HNF4G: variants seen among roughly 807,000 people sequenced by gnomAD.
HNF4G encodes the protein hepatocyte nuclear factor 4-gamma.
HNF4G carries 21 observed loss-of-function variants against 50.9 expected under a neutral mutation model. That is an observed-to-expected ratio of 0.41 (90% CI 0.29 to 0.59). The LOEUF (loss-of-function observed/expected upper bound fraction) is 0.59, where lower values mean the gene tolerates loss of function less well. Ranked by LOEUF, HNF4G falls within the 20% of genes least tolerant of loss-of-function variation. The pLI, the probability that HNF4G is intolerant of heterozygous loss-of-function variation, is 0.26. For synonymous variants in HNF4G, 198 were observed against 185.6 expected (o/e 1.07, Z -0.54); for missense variants, 527 against 559.4 (o/e 0.94, Z 0.58).
At chr8:75,547,373 A>G (rs1457196834) in intron 2 of HNF4G, among the ~76,000 whole-genome samples, 1 of 152,244 alleles carries the variant, frequency 6.6e-6, no homozygotes, top group African/African-American at 2.4e-5. Context: ...ATAGTCATTC[A>G]GTTTTATTTT....
chr8:75,483,966 T>C (rs2130664339), intron 1 of HNF4G, among the ~76,000 whole-genome samples: 1 of 152,270 alleles, frequency 6.6e-6, no homozygotes, highest in Middle Eastern at 3.4e-3. Context: ...ACTTCATGAA[T>C]TATCACAACT....
intron 5 of HNF4G, among the ~76,000 whole-genome samples, chr8:75,554,897 AG>A (rs929385320): frequency 6.6e-6 from 1 of 152,198 alleles, no homozygotes; most frequent in Admixed American, 6.6e-5. Context: ...CTGAAAGACA[AG>A]GGGCCAAGCC....
intron 1 of HNF4G, among the ~76,000 whole-genome samples, chr8:75,475,943 TA>T (rs929462292): frequency 2.7e-4 from 41 of 152,244 alleles, no homozygotes; most frequent in African/African-American, 9.1e-4. Context: ...AATTTATTTT[TA>T]AAATTTTTTT....
intron 8 of HNF4G, among the ~76,000 whole-genome samples, chr8:75,559,906 C>A (rs1403418893): frequency 6.6e-6 from 1 of 152,078 alleles, no homozygotes; most frequent in East Asian, 1.9e-4. Flanking sequence ...TTTTGCATTC[C>A]AATCTAGATT....
chr8:75,422,737 C>CA (rs1810802120), intron 1 of HNF4G, among the ~76,000 whole-genome samples: 1 of 151,952 alleles, frequency 6.6e-6, no homozygotes, highest in Non-Finnish European at 1.5e-5. Context: ...AGGTTCACGC[C>CA]ATTCTCCTGA....
chr8:75,512,220 A>C (rs904345063), intron 2 of HNF4G, among the ~76,000 whole-genome samples: 18 of 151,750 alleles, frequency 1.2e-4, no homozygotes, highest in African/African-American at 4.3e-4. Flanking sequence ...CTCTGGTAAA[A>C]TATTTAAGAA....
At chr8:75,494,895 CTT>C (rs1812728903) in intron 2 of HNF4G, among the ~76,000 whole-genome samples, 1 of 152,006 alleles carries the variant, frequency 6.6e-6, no homozygotes, top group Admixed American at 6.6e-5. Context: ...TTTAAATTGA[CTT>C]TGAATTATGA....
chr8:75,507,538 C>T (rs754418565), intron 2 of HNF4G, among the ~76,000 whole-genome samples: 4 of 152,172 alleles, frequency 2.6e-5, no homozygotes, highest in East Asian at 1.9e-4. Flanking sequence ...GGATTACAGG[C>T]GTGAGCCACT....
chr8:75,452,490 C>CG (rs1811608601), intron 1 of HNF4G, among the ~76,000 whole-genome samples: 2 of 151,962 alleles, frequency 1.3e-5, no homozygotes, highest in Admixed American at 6.6e-5. Flanking sequence ...GAGCCCGAAG[C>CG]GGGGGGATCA....
chr8:75,465,198 A>G (rs912356674), intron 1 of HNF4G, among the ~76,000 whole-genome samples: 3 of 152,206 alleles, frequency 2.0e-5, no homozygotes, highest in Non-Finnish European at 4.4e-5. Flanking sequence ...GTAGCCTCAT[A>G]TAGACTCTAT....
chr8:75,543,711 G>A (rs1806692506), intron 1 of HNF4G, 100 bp from the exon 2 acceptor site: 1 of 975,236 alleles, frequency 1.0e-6, no homozygotes, highest in Non-Finnish European at 1.5e-6. Context: ...TCTCCAAGAA[G>A]CCAATGAATG....
intron 2 of HNF4G, among the ~76,000 whole-genome samples, chr8:75,505,337 A>G (rs1813047750): frequency 1.3e-5 from 2 of 152,082 alleles, no homozygotes; most frequent in Middle Eastern, 3.2e-3. Context: ...TTCTTTCCTG[A>G]TTCATTTGTA....
chr8:75,501,579 G>A (rs544050622), intron 2 of HNF4G, among the ~76,000 whole-genome samples: 3 of 152,208 alleles, frequency 2.0e-5, no homozygotes, highest in Admixed American at 1.3e-4. Flanking sequence ...AAGAGATTTT[G>A]TTCAGTAATA....
In HNF4G at chr8:75,466,621, CTT is replaced by C. The variant is rs1363133249; in HGVS notation, c.-143-23467_-143-23466del. 1.9e-4 allele frequency among the ~76,000 whole-genome samples: 19 copies of C among 98,012 alleles called. 2 individuals carry two copies. The South Asian group carries it at 6.6e-3, about 34-fold the overall frequency. The allele number at this position is 98,012 out of a possible 152,430, so 64.3% of individuals were successfully genotyped here. ...CCTTCCTTCCTTCCTTCCTTCCTTC[CTT>C]CCTTCCTTCCTTCTCCCTTCCCTTC... On this transcript the variant is annotated intron_variant, in intron 1 of 10. Coordinates refer to the HNF4G transcript ENST00000354370.
chr8:75,478,880 C>T (rs573594645), intron 1 of HNF4G, among the ~76,000 whole-genome samples: 12 of 152,252 alleles, frequency 7.9e-5, no homozygotes, highest in African/African-American at 2.6e-4. Context: ...CGTGCCACCA[C>T]GCCTGGCTAA....
intron 1 of HNF4G, among the ~76,000 whole-genome samples, chr8:75,484,947 C>T (rs1047312627): frequency 1.6e-4 from 24 of 152,270 alleles, no homozygotes; most frequent in Middle Eastern, 3.4e-3. Context: ...ATACAGTAGG[C>T]GGACAGCTCC....
chr8:75,430,103 T>C (rs1323119462), intron 1 of HNF4G, among the ~76,000 whole-genome samples: 1 of 151,142 alleles, frequency 6.6e-6, no homozygotes, highest in East Asian at 2.0e-4. Context: ...GTGAGCCGAG[T>C]TCGCACCACT....
intron 2 of HNF4G, among the ~76,000 whole-genome samples, chr8:75,517,179 T>A (rs1805910700): frequency 6.6e-6 from 1 of 152,110 alleles, no homozygotes; most frequent in South Asian, 2.1e-4. Context: ...TTACCTCCCA[T>A]CGGGTACCTC....
intron 8 of HNF4G, 107 bp downstream of exon 8, chr8:75,559,144 T>C: frequency 1.3e-6 from 1 of 770,574 alleles, no homozygotes; most frequent in East Asian, 2.5e-5. Flanking sequence ...GAAGTTGCTG[T>C]GATGCTCCTG....
Sources: gnomAD v4.1 joint callset for allele counts (sites outside exome capture counted in the v4.1 genomes callset) on GRCh38, gnomAD v4.1.1 for gene constraint, MANE v1.5 for transcripts, NCBI Gene and HGNC (gene_info 2026-07-23, HGNC 2026-07-21) for gene names.